STXBP5L: variants seen among roughly 807,000 people sequenced by gnomAD.
STXBP5L encodes the protein syntaxin binding protein 5L, also known as syntaxin-binding protein 5-like.
A neutral mutation model predicts 144.5 loss-of-function variants in STXBP5L; 65 were observed. The observed-to-expected ratio is 0.45, with a 90% CI of 0.37 to 0.55. STXBP5L has a LOEUF of 0.55. Ranked by LOEUF, STXBP5L falls within the 20% of genes least tolerant of loss-of-function variation. STXBP5L has a pLI of 0.00. For missense variants in STXBP5L, 1,298 were observed against 1,405.5 expected (o/e 0.92, Z 1.22); for synonymous variants, 505 against 469.6 (o/e 1.08, Z -0.97).
intron 18 of STXBP5L, among the ~76,000 whole-genome samples, chr3:121,263,718 T>G (rs886861574): frequency 6.6e-6 from 1 of 151,908 alleles, no homozygotes; most frequent in Non-Finnish European, 1.5e-5. Context: ...TATCAGAGAT[T>G]GAAGATCAAC....
chr3:121,255,873 GC>G (rs1013408869), intron 16 of STXBP5L, among the ~76,000 whole-genome samples: 1 of 151,994 alleles, frequency 6.6e-6, no homozygotes, highest in African/African-American at 2.4e-5. Flanking sequence ...TCTCTACCTT[GC>G]CCCTTTTACC....
chr3:121,282,873 A>C (rs918534405), intron 19 of STXBP5L, among the ~76,000 whole-genome samples: 3 of 152,032 alleles, frequency 2.0e-5, no homozygotes, highest in African/African-American at 7.2e-5. Flanking sequence ...AGGCACTCAG[A>C]CATTATAAAG....
intron 20 of STXBP5L, among the ~76,000 whole-genome samples, chr3:121,334,852 A>T (rs924735872): frequency 6.6e-6 from 1 of 152,210 alleles, no homozygotes; most frequent in African/African-American, 2.4e-5. Context: ...CACAGCCAAC[A>T]TCATACTGAA....
chr3:121,414,117 T>C (rs922688133), intron 24 of STXBP5L, among the ~76,000 whole-genome samples: 1 of 150,336 alleles, frequency 6.7e-6, no homozygotes, highest in African/African-American at 2.5e-5. Context: ...ATAATAAATA[T>C]TACTATCATC....
At chr3:121,059,059 C>T (rs1223974451) in intron 5 of STXBP5L, among the ~76,000 whole-genome samples, 1 of 152,162 alleles carries the variant, frequency 6.6e-6, no homozygotes, top group African/African-American at 2.4e-5. Context: ...TGCCTATGTC[C>T]TGAACAGTAT....
intron 14 of STXBP5L, among the ~76,000 whole-genome samples, chr3:121,241,384 C>T (rs893978363): frequency 7.0e-5 from 1 of 14,330 alleles, no homozygotes; most frequent in African/African-American, 2.7e-4. Context: ...CATACACACA[C>T]ACACACACAC....
In STXBP5L at chr3:121,141,723, T is replaced by G. The variant is rs912086844; in HGVS notation, c.670-10754T>G. On this transcript the variant is annotated intron_variant, in intron 7 of 26. Coordinates refer to ENST00000471454, the MANE Select transcript of STXBP5L (RefSeq NM_001308330.2). ...ATTGCTTAAAATAGAGCATTAGATT[T>G]TATGTAAGTCCTAAGGTAACCACAC... Among the ~76,000 whole-genome samples, 18 of 152,152 alleles carry G rather than the reference T, an allele frequency of 1.2e-4. 1 individual carries two copies. The highest frequency in any genetic ancestry group is 7.9e-4 in the Admixed American group (12 of 15,262).
intron 3 of STXBP5L, among the ~76,000 whole-genome samples, chr3:120,998,301 T>G (rs1943511330): frequency 1.3e-5 from 2 of 152,190 alleles, no homozygotes; most frequent in Admixed American, 1.3e-4. Context: ...GATCCCTGTT[T>G]GCAGACAATA....
Position 121,238,978 on chromosome 3 carries a change from A to G in STXBP5L, c.1192A>G (p.Ile398Val), listed in dbSNP as rs765439453. 3.1e-6 allele frequency: 5 copies of G among 1,589,416 alleles called. No homozygotes were observed. Among genetic ancestry groups the G allele is most frequent in the Non-Finnish European group, 3.4e-6 (4 of 1,167,498 alleles). ...VVDLTQSNFPIFENPYPMDIH... is the reference protein window; with the variant it reads ...VVDLTQSNFPVFENPYPMDIH... ...ATTGTCTTTATCTATTAGTTTTCCA[A>G]TCTTTGAAAATCCATATCCCATGGA... Residue 398 changes from isoleucine to valine, a missense_variant, in exon 13 of 27, where the codon ATC becomes GTC. By Grantham distance (29) the Ile-to-Val change is conservative. Coordinates refer to ENST00000471454, the MANE Select transcript of STXBP5L (RefSeq NM_001308330.2).
At chr3:121,418,637 C>A in intron 26 of STXBP5L, 80 bp downstream of exon 26, 1 of 1,293,862 alleles carries the variant, frequency 7.7e-7, no homozygotes. Flanking sequence ...AAAGCTTAAA[C>A]AGAGATCCAC....
chr3:121,257,651 G>A (rs1214169829), intron 17 of STXBP5L, among the ~76,000 whole-genome samples: 2 of 152,198 alleles, frequency 1.3e-5, no homozygotes, highest in East Asian at 1.9e-4. Context: ...TTTATGGGGT[G>A]TGATGGCTCA....
chr3:120,982,816 G>T (rs1035543775), intron 3 of STXBP5L, among the ~76,000 whole-genome samples: 2 of 152,190 alleles, frequency 1.3e-5, no homozygotes, highest in Non-Finnish European at 2.9e-5. Context: ...GGGCTAGGCA[G>T]TCCCCCAATT....
chr3:121,132,433 G>A (rs1251140477), intron 7 of STXBP5L, among the ~76,000 whole-genome samples: 1 of 152,180 alleles, frequency 6.6e-6, no homozygotes, highest in Non-Finnish European at 1.5e-5. Flanking sequence ...AGCACAGAGT[G>A]AGAAGATAAA....
intron 5 of STXBP5L, among the ~76,000 whole-genome samples, chr3:121,059,315 G>T (rs189190798): frequency 3.9e-5 from 6 of 152,128 alleles, no homozygotes; most frequent in Non-Finnish European, 7.4e-5. Context: ...GGCCTCTGTT[G>T]TGTTCCATAG....
intron 9 of STXBP5L, among the ~76,000 whole-genome samples, chr3:121,205,082 T>C (rs1216903129): frequency 2.0e-5 from 3 of 152,228 alleles, no homozygotes; most frequent in Non-Finnish European, 4.4e-5. Flanking sequence ...AAATAGCAAG[T>C]ATTTCTCTGT....
intron 20 of STXBP5L, among the ~76,000 whole-genome samples, chr3:121,353,314 G>A (rs966720633): frequency 9.9e-5 from 15 of 152,214 alleles, no homozygotes; most frequent in African/African-American, 2.9e-4. Flanking sequence ...TCTGGTCCTG[G>A]ACTTTTTTTC....
At chr3:121,350,747 C>T (rs536102535) in intron 20 of STXBP5L, among the ~76,000 whole-genome samples, 5 of 152,198 alleles carry the variant, frequency 3.3e-5, no homozygotes, top group African/African-American at 7.2e-5. Context: ...TCCAGTTGAT[C>T]GAATCAGCTA....
intron 3 of STXBP5L, among the ~76,000 whole-genome samples, chr3:120,975,806 T>C (rs571112047): frequency 1.3e-5 from 2 of 152,274 alleles, no homozygotes; most frequent in African/African-American, 4.8e-5. Flanking sequence ...GATAATCATG[T>C]GGTTTTTGTC....
chr3:121,218,068 T>C (rs787851), intron 10 of STXBP5L, among the ~76,000 whole-genome samples: 110,734 of 140,724 alleles, frequency 0.79, 43,805 homozygotes, highest in East Asian at 0.93. Flanking sequence ...ATATACACTA[T>C]ATACAGTATA....
Sources: allele counts gnomAD v4.1 joint callset (sites outside exome capture counted in the v4.1 genomes callset), GRCh38; gene constraint gnomAD v4.1.1; transcripts MANE v1.5; gene names NCBI Gene and HGNC (gene_info 2026-07-23, HGNC 2026-07-21).